The following SMARCD1 variants were observed in gnomAD, a reference collection of about 807,000 sequenced individuals.
SMARCD1 encodes SWI/SNF related BAF chromatin remodeling complex subunit D1.
A neutral mutation model predicts 70.8 loss-of-function variants in SMARCD1; 16 were observed. The ratio of observed to expected loss-of-function variants is 0.23; its 90% CI spans 0.15 to 0.34. The LOEUF (loss-of-function observed/expected upper bound fraction) is 0.34. Ranked by LOEUF, SMARCD1 falls within the 10% of genes least tolerant of loss-of-function variation. SMARCD1 has a pLI of 1.00. For synonymous variants in SMARCD1, 249 were observed against 246.0 expected, an observed-to-expected ratio of 1.01 and a Z score of -0.11; for missense variants, 409 against 655.5, an observed-to-expected ratio of 0.62 and a Z score of 4.11.
At chr12:50,091,399 C>G (rs1442732075) in intron 9 of SMARCD1, among the ~76,000 whole-genome samples, 6 of 152,016 alleles carry the variant, frequency 3.9e-5, no homozygotes, top group Non-Finnish European at 8.8e-5. Flanking sequence ...CCGTAGCCTC[C>G]CACATAGCTG....
chr12:50,086,509 T>A (rs1950792611), intron 2 of SMARCD1, 112 bp from the exon 3 acceptor site: 1 of 557,760 alleles, frequency 1.8e-6, no homozygotes, highest in South Asian at 2.2e-5. Context: ...GGTAGTTCTT[T>A]GAGAGAAGCT....
chr12:50,096,645 T>G, intron 10 of SMARCD1: 1 of 535,518 alleles, frequency 1.9e-6, no homozygotes, highest in Non-Finnish European at 3.4e-6. Context: ...TCACATGGGG[T>G]ATACAGAGAG....
chr12:50,096,505 T>TGA (rs1353888437), intron 10 of SMARCD1, among the ~76,000 whole-genome samples: 2 of 152,192 alleles, frequency 1.3e-5, no homozygotes, highest in African/African-American at 4.8e-5. Context: ...TGAGAGCTTA[T>TGA]GAGACAGCCC....
intron 9 of SMARCD1, among the ~76,000 whole-genome samples, chr12:50,091,178 A>T (rs1227906186): frequency 2.7e-5 from 4 of 150,676 alleles, no homozygotes; most frequent in Admixed American, 2.6e-4. Context: ...TGCCTGTTGT[A>T]TCCATCTGGC....
chr12:50,086,967 C>T, intron 4 of SMARCD1, 89 bp downstream of exon 4: 1 of 1,334,160 alleles, frequency 7.5e-7, no homozygotes, highest in Non-Finnish European at 1.1e-6. Flanking sequence ...AGGCACAGCA[C>T]AACTCTCCTT....
rs1212964901 is a variant in SMARCD1 at position 50,087,475 on chromosome 12, T to C, written c.644T>C (p.Leu215Pro). The part of the protein sequence containing the change: ...ASWELRVEGR[L>P]LEDSALSKYD... ...TGGGAGCTTCGGGTAGAAGGACGGC[T>C]CCTGGAGGATGTGAGTTCAAGGTCC... Residue 215 changes from leucine to proline, a missense_variant, in exon 5 of 13, where the codon CTC becomes CCC. By Grantham distance (98) the Leu-to-Pro change is moderately conservative. Around this residue, in one of 2 missense-constraint regions of SMARCD1, gnomAD observed 269 missense variants for 498.6 expected, o/e 0.54. Transcript: ENST00000394963. 6.2e-7 allele frequency: 1 copy of C among 1,613,684 alleles called. No homozygotes were observed. Among genetic ancestry groups the C allele is most frequent in the Non-Finnish European group, 8.5e-7 (1 of 1,179,908 alleles).
chr12:50,094,530 G>T lies in SMARCD1; in HGVS notation c.1227G>T (p.Leu409=). 6.2e-7 allele frequency: 1 copy of T among 1,614,108 alleles called. No individual in the cohort carries two copies. The highest frequency in any genetic ancestry group is 8.5e-7 in the Non-Finnish European group (1 of 1,179,990). The change falls in exon 10 of 13, where the codon CTG becomes CTT. Residue 409 remains leucine, a synonymous_variant. Coordinates refer to ENST00000394963, the MANE Select transcript of SMARCD1 (RefSeq NM_003076.5). ...AGACCCAGATGAATTCTTTTCTGCT[G>T]TCCACTGCCAGCCAACAGGAGATTG... is the stretch of plus-strand genomic sequence containing the variant. ...TLKTQMNSFL[L]STASQQEIAT... is the part of the protein sequence containing the mutation.
chr12:50,093,360 C>A (rs987006353), intron 9 of SMARCD1, among the ~76,000 whole-genome samples: 2 of 151,908 alleles, frequency 1.3e-5, no homozygotes, highest in Non-Finnish European at 2.9e-5. Context: ...ATTGAGGTTT[C>A]GCCATGTTGG....
In SMARCD1 at chr12:50,085,469, C is replaced by T; in HGVS notation, c.100C>T (p.Pro34Ser). ...TGCTGCCTTGGGCCCGGGCGGAACT[C>T]CGGGGCCTCCTGTGCGAATGGGCCC... ...AAAALGPGGTPGPPVRMGPAP... is the reference protein window; with the variant it reads ...AAAALGPGGTSGPPVRMGPAP... The change falls in exon 1 of 13, where the codon CCG becomes TCG. Residue 34 changes from proline (P) to serine (S), a missense_variant. Transcript: ENST00000394963. 8.1e-7 allele frequency: 1 copy of T among 1,239,182 alleles called. No homozygotes were observed. Among genetic ancestry groups the T allele is most frequent in the Non-Finnish European group, 1.0e-6 (1 of 991,982 alleles). The allele number at this position is 1,239,182 out of a possible 1,614,324, so 76.8% of individuals were successfully genotyped here. A position where few individuals can be genotyped will look rare whatever the true frequency, so the allele number is the denominator to read the frequency against.
In SMARCD1 at chr12:50,099,095, G is replaced by C; in HGVS notation, c.*95G>C. 4 of 1,145,810 alleles carry C rather than the reference G, an allele frequency of 3.5e-6. No homozygotes were observed. The highest frequency in any genetic ancestry group is 3.9e-6 in the Non-Finnish European group (3 of 761,044). 71.0% of individuals were successfully genotyped at this position (1,145,810 alleles called of 1,614,324 possible). ...TATCTGCCTTGGTCTTGCTTGGGGC[G>C]TTCCAGGGGATGCTGTTGGTTCAAG... On this transcript the variant is annotated 3_prime_UTR_variant, in exon 13 of 13. Transcript: ENST00000394963.
In SMARCD1 at chr12:50,099,277, G is replaced by A; in HGVS notation, c.*277G>A. The stretch of plus-strand genomic sequence containing the variant: ...GGACCTCTAGATAGTGTTAGAGAGA[G>A]AACATGTAGTGGTAATGAGTGCTTG... On this transcript the variant is annotated 3_prime_UTR_variant, in exon 13 of 13. Coordinates refer to ENST00000394963, the MANE Select transcript of SMARCD1 (RefSeq NM_003076.5). 1 of 569,944 alleles carries A rather than the reference G, an allele frequency of 1.8e-6. No homozygotes were observed. Among genetic ancestry groups the A allele is most frequent in the Non-Finnish European group, 3.1e-6 (1 of 320,772 alleles). The allele number at this position is 569,944 out of a possible 1,614,324, so 35.3% of individuals were successfully genotyped here. A position where few individuals can be genotyped will look rare whatever the true frequency, so the allele number is the denominator to read the frequency against.
rs1030371430 is a variant in SMARCD1 at position 50,086,150 on chromosome 12, C to T, written c.178-11C>T. 1.3e-6 allele frequency: 2 copies of T among 1,490,668 alleles called. No individual in the cohort carries two copies. Among genetic ancestry groups the T allele is most frequent in the African/African-American group, 1.4e-5 (1 of 71,408 alleles). The allele number at this position is 1,490,668 out of a possible 1,614,324, so 92.3% of individuals were successfully genotyped here. ...AAACCATGACATCTCTGGGTCCTCT[C>T]CCCTCTGTAGAGACCAGGTATGTTG... is the stretch of plus-strand genomic sequence containing the variant. On this transcript the variant is annotated splice_polypyrimidine_tract_variant and intron_variant, in intron 1 of 12. Coordinates refer to ENST00000394963, the MANE Select transcript of SMARCD1 (RefSeq NM_003076.5).
At chr12:50,092,473 C>T (rs1288632392) in intron 9 of SMARCD1, among the ~76,000 whole-genome samples, 4 of 149,634 alleles carry the variant, frequency 2.7e-5, no homozygotes, top group Admixed American at 6.6e-5. Flanking sequence ...CCACCCGCCT[C>T]GGCCTCCCAA....
At position 50,086,792 on chromosome 12, in the gene SMARCD1, G is replaced by C; in HGVS notation, c.445G>C (p.Asp149His). 6.2e-7 allele frequency: 1 copy of C among 1,614,024 alleles called. No homozygotes were observed. The highest frequency in any genetic ancestry group is 1.1e-5 in the South Asian group (1 of 91,072). The change falls in exon 4 of 13, where the codon GAT becomes CAT. Residue 149 changes from aspartate to histidine, a missense_variant. This residue lies in a region of SMARCD1 where 269 missense variants were observed against 498.6 expected (regional missense o/e 0.54). Coordinates refer to ENST00000394963, the MANE Select transcript of SMARCD1 (RefSeq NM_003076.5). ...GGTACCAGAATCCCAGGCCTATATG[G>C]ATCTCTTGGCTTTTGAAAGGAAACT... is the stretch of plus-strand genomic sequence containing the variant. ...ELVPESQAYMDLLAFERKLDQ... is the reference protein window; with the variant it reads ...ELVPESQAYMHLLAFERKLDQ...
intron 10 of SMARCD1, 59 bp downstream of exon 10, chr12:50,094,631 C>T (rs1278657689): frequency 1.3e-6 from 2 of 1,529,078 alleles, no homozygotes; most frequent in African/African-American, 2.8e-5. Flanking sequence ...GCTTCAAGGC[C>T]TCCTTTTGAT....
chr12:50,095,617 G>A (rs758468173), intron 10 of SMARCD1, among the ~76,000 whole-genome samples: 2 of 152,108 alleles, frequency 1.3e-5, no homozygotes, highest in African/African-American at 4.8e-5. Flanking sequence ...GTGAGCCACC[G>A]CGCCCGGCCC....
At chr12:50,095,825 G>T (rs755740530) in intron 10 of SMARCD1, among the ~76,000 whole-genome samples, 2 of 152,170 alleles carry the variant, frequency 1.3e-5, no homozygotes, top group Non-Finnish European at 2.9e-5. Flanking sequence ...TGCCGAGGAC[G>T]GGATGTTTTG....
intron 9 of SMARCD1, among the ~76,000 whole-genome samples, chr12:50,093,478 A>AATC (rs1242544822): frequency 6.6e-6 from 1 of 150,804 alleles, no homozygotes; most frequent in Non-Finnish European, 1.5e-5. Flanking sequence ...AAGTTTTAAA[A>AATC]ATTATTATTA....
chr12:50,095,277 A>C (rs144928628), intron 10 of SMARCD1, among the ~76,000 whole-genome samples: 1 of 152,242 alleles, frequency 6.6e-6, no homozygotes, highest in African/African-American at 2.4e-5. Context: ...CTTTGGGAAC[A>C]TGAAGGAGAA....
Sources: gnomAD v4.1 joint callset for allele counts (sites outside exome capture counted in the v4.1 genomes callset) on GRCh38, gnomAD v4.1.1 for gene constraint, gnomAD v4.1.1 regional missense constraint, MANE v1.5 for transcripts, NCBI Gene and HGNC (gene_info 2026-07-23, HGNC 2026-07-21) for gene names.